Variants in SLC2A14 observed in about 807,000 individuals in gnomAD.
SLC2A14 encodes the protein solute carrier family 2, facilitated glucose transporter member 14.
SLC2A14 carries 13 observed loss-of-function variants against 43.0 expected under a neutral mutation model. The observed-to-expected ratio is 0.30, with a 90% CI of 0.20 to 0.48. The LOEUF (loss-of-function observed/expected upper bound fraction) is 0.48, where lower values mean the gene tolerates loss of function less well. Among genes scored for constraint, SLC2A14 ranks in the 20% least tolerant of loss-of-function variants. SLC2A14 has a pLI of 0.99. For synonymous variants in SLC2A14, 190 were observed against 233.8 expected (o/e 0.81, Z 1.71); for missense variants, 428 against 620.4 (o/e 0.69, Z 3.29).
chr12:7,833,658 G>C (rs1168767828), intron 2 of SLC2A14, among the ~76,000 whole-genome samples: 3 of 152,168 alleles, frequency 2.0e-5, no homozygotes, highest in East Asian at 3.9e-4. Flanking sequence ...GGGTGTGCCT[G>C]TAATCCCAGC....
intron 2 of SLC2A14, among the ~76,000 whole-genome samples, chr12:7,844,375 T>A (rs1166502904): frequency 6.6e-6 from 1 of 152,148 alleles, no homozygotes; most frequent in Non-Finnish European, 1.5e-5. Flanking sequence ...CAACATTTAC[T>A]TATCTATTCT....
intron 5 of SLC2A14, among the ~76,000 whole-genome samples, chr12:7,829,091 C>T (rs1289317172): frequency 6.6e-6 from 1 of 151,828 alleles, no homozygotes; most frequent in Non-Finnish European, 1.5e-5. Flanking sequence ...TGGGCACCTG[C>T]AATCCCAGCT....
intron 2 of SLC2A14, among the ~76,000 whole-genome samples, chr12:7,863,991 G>GT (rs976492420): frequency 6.6e-6 from 1 of 150,918 alleles, no homozygotes; most frequent in African/African-American, 2.4e-5. Context: ...AATTTTTTGT[G>GT]TTTTTTAGTA....
rs1313813232 is a variant in SLC2A14, at chr12:7,812,612, G to A, written c.*1704C>T. ...TTCACAATCTTCTCAGTGAGAAATAGGAAAACAACTTCCCTGCCTTACTGC... is the reference window on the plus strand; with the variant it reads ...TTCACAATCTTCTCAGTGAGAAATAAGAAAACAACTTCCCTGCCTTACTGC... On this transcript the variant is annotated 3_prime_UTR_variant, in exon 11 of 11. Transcript: ENST00000431042. The A allele has an allele frequency of 6.6e-6, 1 of 152,132 alleles. No homozygotes were observed. The highest frequency in any genetic ancestry group is 1.5e-5 in the Non-Finnish European group (1 of 68,032). The allele number at this position is 152,132 out of a possible 1,614,324, so 9.4% of individuals were successfully genotyped here.
chr12:7,876,063 G>C (rs1945459064), upstream of SLC2A14, among the ~76,000 whole-genome samples: 1 of 151,872 alleles, frequency 6.6e-6, no homozygotes, highest in African/African-American at 2.4e-5. Context: ...CAGATCACTT[G>C]AGGTCAGGAG....
At chr12:7,871,071 C>A in intron 1 of SLC2A14, 2 of 1,392,866 alleles carry the variant, frequency 1.4e-6, no homozygotes, top group Non-Finnish European at 1.9e-6. Flanking sequence ...ACCTGCAGGG[C>A]ATGATGAGCG....
chr12:7,819,478 T>G lies in SLC2A14; in HGVS notation c.1071+4A>C, dbSNP rs200035630. 2 of 1,611,228 alleles carry G rather than the reference T, an allele frequency of 1.2e-6. No individual in the cohort carries two copies. The highest frequency in any genetic ancestry group is 3.3e-5 in the Admixed American group (2 of 59,930). On this transcript the variant is annotated splice_donor_region_variant and intron_variant, in intron 9 of 10. Transcript: ENST00000431042. ...CCCTTTTTTTTCACCCAAAGAGCACTTACCTTTAATAACAAAGAAACAGTC... is the reference window on the plus strand; with the variant it reads ...CCCTTTTTTTTCACCCAAAGAGCACGTACCTTTAATAACAAAGAAACAGTC...
chr12:7,879,544 C>A (rs2121102472), intron 1 of SLC2A14, among the ~76,000 whole-genome samples: 1 of 152,066 alleles, frequency 6.6e-6, no homozygotes, highest in South Asian at 2.1e-4. Context: ...ATTAGCCAGG[C>A]ATGCTGACAG....
intron 2 of SLC2A14, among the ~76,000 whole-genome samples, chr12:7,855,218 T>C (rs771104170): frequency 3.9e-5 from 6 of 152,154 alleles, no homozygotes; most frequent in Non-Finnish European, 8.8e-5. Flanking sequence ...AGGCATTCCA[T>C]CTTTACATCC....
chr12:7,855,964 T>C (rs894864993), intron 2 of SLC2A14, among the ~76,000 whole-genome samples: 1 of 152,014 alleles, frequency 6.6e-6, no homozygotes, highest in South Asian at 2.1e-4. Context: ...TGCACCAGCC[T>C]CACAACATGA....
Position 7,814,565 on chromosome 12 carries a change from A to T in SLC2A14, c.1276-31T>A, listed in dbSNP as rs757944646. 4.4e-6 allele frequency: 7 copies of T among 1,596,060 alleles called. 1 individual carries two copies. In the South Asian group the frequency reaches 7.9e-5, roughly 18 times the overall value. On this transcript the variant is annotated intron_variant, in intron 10 of 10. Coordinates refer to ENST00000431042, the MANE Select transcript of SLC2A14 (RefSeq NM_001286234.2). Reference sequence around the variant, plus strand: ...GAAAGGACAGAAAAAAGGAAGGTTGATATAAAAATCTGGTCATTGACAAAT... The same window carrying T: ...GAAAGGACAGAAAAAAGGAAGGTTGTTATAAAAATCTGGTCATTGACAAAT...
intron 2 of SLC2A14, among the ~76,000 whole-genome samples, chr12:7,833,478 C>CAAAT (rs1256945787): frequency 1.3e-5 from 2 of 152,158 alleles, no homozygotes; most frequent in Non-Finnish European, 2.9e-5. Flanking sequence ...ACAAATAAGA[C>CAAAT]ATTTCTGGCC....
intron 1 of SLC2A14, among the ~76,000 whole-genome samples, chr12:7,882,423 T>C (rs1945599423): frequency 6.6e-6 from 1 of 152,124 alleles, no homozygotes; most frequent in Admixed American, 6.5e-5. Flanking sequence ...CGAGGGTCCA[T>C]GGCTTCATTC....
At chr12:7,874,725 T>C (rs1945385236), upstream of SLC2A14, among the ~76,000 whole-genome samples, 1 of 129,644 alleles carries the variant, frequency 7.7e-6, no homozygotes, top group Admixed American at 8.6e-5. Flanking sequence ...TATAAATATA[T>C]AAAAAATATA....
intron 1 of SLC2A14, among the ~76,000 whole-genome samples, chr12:7,888,581 C>T (rs527866161): frequency 1.3e-5 from 2 of 151,932 alleles, no homozygotes; most frequent in Non-Finnish European, 2.9e-5. Context: ...TGGCAGATCA[C>T]AAGGTCAAGA....
intron 6 of SLC2A14, 140 bp downstream of exon 6, chr12:7,828,564 A>G (rs1395934433): frequency 2.1e-6 from 2 of 941,726 alleles, no homozygotes; most frequent in African/African-American, 1.7e-5. Context: ...AAGAAAAAAC[A>G]AAGTAGAGTA....
chr12:7,817,807 C>A, intron 10 of SLC2A14, 24 bp downstream of exon 10: 1 of 1,592,104 alleles, frequency 6.3e-7, no homozygotes. Flanking sequence ...TACATAGATA[C>A]ATAGATAAGG....
chr12:7,887,600 GATAGAT>G (rs1945709742), intron 1 of SLC2A14, among the ~76,000 whole-genome samples: 1 of 133,514 alleles, frequency 7.5e-6, no homozygotes. Context: ...TAGATAGATA[GATAGAT>G]AGATAGTTAG....
chr12:7,863,241 G>A (rs752022653), intron 2 of SLC2A14: 15 of 351,270 alleles, frequency 4.3e-5, no homozygotes, highest in Non-Finnish European at 6.3e-5. Context: ...CACTCACGGC[G>A]GAAGTCTGCA....
Sources: allele counts gnomAD v4.1 joint callset (sites outside exome capture counted in the v4.1 genomes callset), GRCh38; gene constraint gnomAD v4.1.1; transcripts MANE v1.5; gene names NCBI Gene and HGNC (gene_info 2026-07-23, HGNC 2026-07-21).